EXOC4: variants seen among roughly 807,000 people sequenced by gnomAD.
EXOC4 encodes the protein exocyst complex component 4, also known as SEC8-like 1.
EXOC4 carries 71 observed loss-of-function variants against 107.2 expected under a neutral mutation model. The observed-to-expected ratio is 0.66, with a 90% CI of 0.55 to 0.81. The LOEUF (loss-of-function observed/expected upper bound fraction) is 0.81. Among genes scored for constraint, EXOC4 ranks in the 30% least tolerant of loss-of-function variants. The probability of loss-of-function intolerance (pLI) is 0.00; values close to 1 mark genes in which losing one functional copy is unlikely to be tolerated. For missense variants in EXOC4, 1,108 were observed against 1,189.6 expected, an observed-to-expected ratio of 0.93 and a Z score of 1.01; for synonymous variants, 456 against 441.2, an observed-to-expected ratio of 1.03 and a Z score of -0.42.
At chr7:133,570,947 A>G (rs1200886974) in intron 9 of EXOC4, among the ~76,000 whole-genome samples, 2 of 152,180 alleles carry the variant, frequency 1.3e-5, no homozygotes, top group Non-Finnish European at 2.9e-5. Context: ...TTTAATTTAG[A>G]ACTGATTATC....
chr7:133,937,397 C>G (rs1800328537), intron 13 of EXOC4, among the ~76,000 whole-genome samples: 1 of 152,190 alleles, frequency 6.6e-6, no homozygotes, highest in African/African-American at 2.4e-5. Context: ...TGTCATCCAT[C>G]TCAGTTGTAA....
chr7:133,452,399 A>G (rs1798368486), intron 7 of EXOC4, among the ~76,000 whole-genome samples: 1 of 151,902 alleles, frequency 6.6e-6, no homozygotes, highest in South Asian at 2.1e-4. Context: ...AGAATCTGAG[A>G]AATACCAGGA....
intron 7 of EXOC4, among the ~76,000 whole-genome samples, chr7:133,454,512 G>T (rs1798419843): frequency 6.6e-6 from 1 of 152,036 alleles, no homozygotes. Context: ...GTCCATGCAG[G>T]TCTCATACTC....
chr7:134,010,483 C>T (rs1262800857), intron 17 of EXOC4, among the ~76,000 whole-genome samples: 1 of 152,092 alleles, frequency 6.6e-6, no homozygotes, highest in Non-Finnish European at 1.5e-5. Flanking sequence ...ACTTTATAGC[C>T]TTATTTTTCC....
At chr7:134,064,209 A>G in intron 17 of EXOC4, 82 bp from the exon 18 acceptor site, 2 of 855,376 alleles carry the variant, frequency 2.3e-6, no homozygotes, top group East Asian at 2.8e-5. Flanking sequence ...AGAGGAATCA[A>G]TGTATAGACA....
intron 10 of EXOC4, among the ~76,000 whole-genome samples, chr7:133,792,740 A>G (rs1334741604): frequency 6.6e-6 from 1 of 152,186 alleles, no homozygotes; most frequent in Non-Finnish European, 1.5e-5. Context: ...CTATTGTAAA[A>G]TATGCATTTT....
intron 10 of EXOC4, among the ~76,000 whole-genome samples, chr7:133,787,030 C>G (rs1292794093): frequency 6.6e-6 from 1 of 152,106 alleles, no homozygotes; most frequent in Non-Finnish European, 1.5e-5. Context: ...TAAGTAAATT[C>G]CACATGATCA....
intron 10 of EXOC4, among the ~76,000 whole-genome samples, chr7:133,735,694 C>T (rs1431344253): frequency 6.6e-6 from 1 of 152,052 alleles, no homozygotes; most frequent in African/African-American, 2.4e-5. Context: ...TCAAGCGAAG[C>T]TCCCCATTTG....
At chr7:134,094,274 A>C in the EXOC4 span, among the ~76,000 whole-genome samples, 1 of 152,196 alleles carries the variant, frequency 6.6e-6, no homozygotes, top group Admixed American at 6.5e-5. Context: ...CTAAGAGACT[A>C]TTATGAACAC....
chr7:134,077,747 T>C, the EXOC4 span, among the ~76,000 whole-genome samples: 1 of 152,226 alleles, frequency 6.6e-6, no homozygotes, highest in Non-Finnish European at 1.5e-5. Context: ...AACCCAGATG[T>C]CTGTTATCTA....
intron 7 of EXOC4, among the ~76,000 whole-genome samples, chr7:133,471,315 G>A (rs1017917766): frequency 5.3e-5 from 8 of 151,944 alleles, no homozygotes; most frequent in African/African-American, 1.9e-4. Flanking sequence ...GGGAGGCTGA[G>A]GCAGGAGAAT....
At chr7:134,086,712 T>A in the EXOC4 span, among the ~76,000 whole-genome samples, 1 of 151,842 alleles carries the variant, frequency 6.6e-6, no homozygotes, top group Non-Finnish European at 1.5e-5. Context: ...AAATTCAGGG[T>A]GAGTCCACAG....
chr7:133,402,477 T>C (rs1797112411), intron 7 of EXOC4, among the ~76,000 whole-genome samples: 1 of 152,186 alleles, frequency 6.6e-6, no homozygotes, highest in African/African-American at 2.4e-5. Context: ...TGGGTGGGAC[T>C]AGAGAATTTG....
chr7:133,387,209 A>T (rs977431215), intron 7 of EXOC4, among the ~76,000 whole-genome samples: 1 of 152,208 alleles, frequency 6.6e-6, no homozygotes, highest in African/African-American at 2.4e-5. Flanking sequence ...CAAATCCATT[A>T]AAGTCTTAAG....
intron 11 of EXOC4, among the ~76,000 whole-genome samples, chr7:133,860,271 TCA>T (rs1798505178): frequency 6.6e-6 from 1 of 152,224 alleles, no homozygotes; most frequent in Non-Finnish European, 1.5e-5. Flanking sequence ...GAACATCTGG[TCA>T]CACAGACTGG....
At chr7:134,059,142 C>CA (rs1795997281) in intron 17 of EXOC4, among the ~76,000 whole-genome samples, 1 of 152,172 alleles carries the variant, frequency 6.6e-6, no homozygotes, top group Admixed American at 6.5e-5. Context: ...GTCACCCCTA[C>CA]AGGCAAAGTT....
chr7:133,445,440 A>T (rs2150798828), intron 7 of EXOC4, among the ~76,000 whole-genome samples: 1 of 152,298 alleles, frequency 6.6e-6, no homozygotes, highest in South Asian at 2.1e-4. Flanking sequence ...AACACAACTC[A>T]AAATTGTTAG....
intron 5 of EXOC4, among the ~76,000 whole-genome samples, chr7:133,356,114 T>C (rs1037233383): frequency 6.6e-6 from 1 of 152,220 alleles, no homozygotes; most frequent in Non-Finnish European, 1.5e-5. Flanking sequence ...TTTTATTGCA[T>C]CTGCCTCTTA....
chr7:133,784,941 G>A (rs1212703422), intron 10 of EXOC4, among the ~76,000 whole-genome samples: 2 of 152,070 alleles, frequency 1.3e-5, no homozygotes, highest in African/African-American at 2.4e-5. Context: ...GTGCTGTTTC[G>A]GGCCCTCCAG....
Sources: allele counts gnomAD v4.1 joint callset (sites outside exome capture counted in the v4.1 genomes callset), GRCh38; gene constraint gnomAD v4.1.1; transcripts MANE v1.5; gene names NCBI Gene and HGNC (gene_info 2026-07-23, HGNC 2026-07-21).